The following FOXO3 variants were observed in gnomAD, a reference collection of about 807,000 sequenced individuals.
FOXO3 encodes forkhead box protein O3.
FOXO3 carries 4 observed loss-of-function variants against 41.9 expected under a neutral mutation model. That is an observed-to-expected ratio of 0.10 (90% CI 0.05 to 0.22). The LOEUF (loss-of-function observed/expected upper bound fraction) is 0.22. FOXO3 is among the 10% of genes least tolerant of loss of function. FOXO3 has a pLI of 1.00. For synonymous variants in FOXO3, 318 were observed against 389.3 expected, an observed-to-expected ratio of 0.82 and a Z score of 2.16; for missense variants, 534 against 906.8, an observed-to-expected ratio of 0.59 and a Z score of 5.28.
intron 1 of FOXO3, among the ~76,000 whole-genome samples, chr6:108,602,375 G>T (rs950819658): frequency 4.6e-5 from 7 of 151,960 alleles, no homozygotes; most frequent in African/African-American, 1.7e-4. Flanking sequence ...TCTGCCATAC[G>T]CCTGTAGCAG....
intron 1 of FOXO3, among the ~76,000 whole-genome samples, chr6:108,563,532 C>T (rs9372188): frequency 0.074 from 11,218 of 152,140 alleles, 563 homozygotes; most frequent in South Asian, 0.22. Flanking sequence ...AAGGCGTAAG[C>T]GGACAGGATC....
At chr6:108,584,893 T>G (rs1347197719) in intron 1 of FOXO3, among the ~76,000 whole-genome samples, 1 of 152,112 alleles carries the variant, frequency 6.6e-6, no homozygotes, top group Non-Finnish European at 1.5e-5. Flanking sequence ...CCTTATTTCA[T>G]AGTGATGCAG....
At chr6:108,571,447 G>C (rs1410709840) in intron 1 of FOXO3, among the ~76,000 whole-genome samples, 1 of 152,112 alleles carries the variant, frequency 6.6e-6, no homozygotes, top group Non-Finnish European at 1.5e-5. Flanking sequence ...TGACCTTATT[G>C]GGAAATAGGA....
intron 1 of FOXO3, among the ~76,000 whole-genome samples, chr6:108,590,479 A>G (rs1776705320): frequency 6.6e-6 from 1 of 152,196 alleles, no homozygotes; most frequent in Admixed American, 6.5e-5. Flanking sequence ...AAAATACTAA[A>G]TGAAATTATC....
At chr6:108,621,889 T>A (rs535806016) in intron 1 of FOXO3, among the ~76,000 whole-genome samples, 6 of 151,984 alleles carry the variant, frequency 3.9e-5, no homozygotes, top group Non-Finnish European at 8.8e-5. Context: ...TCATGTGACA[T>A]TAGGGGAGGC....
intron 1 of FOXO3, among the ~76,000 whole-genome samples, chr6:108,663,042 G>T (rs1778916854): frequency 6.6e-6 from 1 of 152,118 alleles, no homozygotes; most frequent in African/African-American, 2.4e-5. Context: ...GAATTAGGAT[G>T]GATTTTTTTT....
intron 1 of FOXO3, among the ~76,000 whole-genome samples, chr6:108,626,835 T>C (rs1471572303): frequency 6.6e-6 from 1 of 152,152 alleles, no homozygotes; most frequent in African/African-American, 2.4e-5. Flanking sequence ...TTTCCTAAGG[T>C]TTAACATTGG....
intron 1 of FOXO3, among the ~76,000 whole-genome samples, chr6:108,637,313 G>A (rs547244127): frequency 1.3e-5 from 2 of 152,120 alleles, no homozygotes; most frequent in African/African-American, 2.4e-5. Flanking sequence ...TGCTGGGTTC[G>A]GTGACACAAT....
At chr6:108,621,660 A>G (rs561615016) in intron 1 of FOXO3, among the ~76,000 whole-genome samples, 1 of 152,252 alleles carries the variant, frequency 6.6e-6, no homozygotes, top group African/African-American at 2.4e-5. Context: ...TGTCCAGCTC[A>G]AAATGCCAGT....
chr6:108,580,291 C>A (rs1776377796), intron 1 of FOXO3, among the ~76,000 whole-genome samples: 1 of 143,676 alleles, frequency 7.0e-6, no homozygotes, highest in Non-Finnish European at 1.5e-5. Flanking sequence ...TGGGTTCAAG[C>A]AATTTACTTG....
At chr6:108,569,334 C>T (rs1352048289) in intron 1 of FOXO3, among the ~76,000 whole-genome samples, 1 of 152,206 alleles carries the variant, frequency 6.6e-6, no homozygotes, top group Non-Finnish European at 1.5e-5. Context: ...GTATCTTTCA[C>T]CATTTTATTC....
At chr6:108,605,264 G>A (rs892726101) in intron 1 of FOXO3, among the ~76,000 whole-genome samples, 14 of 151,940 alleles carry the variant, frequency 9.2e-5, no homozygotes, top group Admixed American at 8.5e-4. Flanking sequence ...AACTACAGAC[G>A]CCCACCACCA....
At chr6:108,614,712 GT>G (rs56801817) in intron 1 of FOXO3, among the ~76,000 whole-genome samples, 1 of 149,192 alleles carries the variant, frequency 6.7e-6, no homozygotes, top group East Asian at 2.0e-4. Context: ...TGATGTTTTG[GT>G]TTTTTTTTGT....
intron 2 of FOXO3, among the ~76,000 whole-genome samples, chr6:108,677,702 G>C (rs1935952): frequency 0.54 from 82,016 of 151,858 alleles, 26,344 homozygotes; most frequent in East Asian, 0.71. Context: ...TATTGTGAGG[G>C]GAAAAAACCA....
chr6:108,639,528 C>T, intron 1 of FOXO3: 1 of 985,214 alleles, frequency 1.0e-6, no homozygotes, highest in Non-Finnish European at 1.2e-6. Context: ...CTGCTCAAGC[C>T]TGGGTACAGT....
chr6:108,586,240 T>G (rs976193291), intron 1 of FOXO3, among the ~76,000 whole-genome samples: 8 of 152,252 alleles, frequency 5.3e-5, no homozygotes, highest in African/African-American at 1.9e-4. Flanking sequence ...CTCTTGAGTT[T>G]CATAGCAGCT....
At chr6:108,579,713 C>T (rs1460707465) in intron 1 of FOXO3, among the ~76,000 whole-genome samples, 1 of 152,104 alleles carries the variant, frequency 6.6e-6, no homozygotes, top group Non-Finnish European at 1.5e-5. Context: ...GATCTGGCAT[C>T]AGGATCACTT....
intron 1 of FOXO3, among the ~76,000 whole-genome samples, chr6:108,626,486 T>G (rs1777817044): frequency 6.6e-6 from 1 of 152,214 alleles, no homozygotes; most frequent in Admixed American, 6.5e-5. Context: ...ACAGGCAGGT[T>G]GTTGATTTTT....
chr6:108,617,905 A>T, intron 1 of FOXO3: 3 of 403,390 alleles, frequency 7.4e-6, no homozygotes, highest in South Asian at 6.5e-5. Context: ...TGTAGTAGTC[A>T]GGGATGTATT....
Sources: allele counts gnomAD v4.1 joint callset (sites outside exome capture counted in the v4.1 genomes callset), GRCh38; gene constraint gnomAD v4.1.1; transcripts MANE v1.5; gene names NCBI Gene and HGNC (gene_info 2026-07-23, HGNC 2026-07-21).